RALYL: variants seen among roughly 807,000 people sequenced by gnomAD.
RALYL encodes RALY RNA binding protein like.
RALYL carries 29 observed loss-of-function variants against 35.1 expected under a neutral mutation model. The observed-to-expected ratio is 0.83, with a 90% CI of 0.61 to 1.13. The LOEUF is 1.13. Ranked by LOEUF, RALYL falls within the 50% of genes most tolerant of loss-of-function variation. The pLI is 0.00. For missense variants in RALYL, 359 were observed against 360.4 expected (o/e 1.00, Z 0.03); for synonymous variants, 120 against 127.6 (o/e 0.94, Z 0.40).
chr8:84,335,929 T>C (rs938031158), intron 1 of RALYL, among the ~76,000 whole-genome samples: 10 of 152,068 alleles, frequency 6.6e-5, no homozygotes, highest in Non-Finnish European at 2.9e-5. Context: ...CCAGCTCCTG[T>C]CCTCCTTTAG....
intron 2 of RALYL, among the ~76,000 whole-genome samples, chr8:84,713,578 GACA>G (rs1188026521): frequency 7.2e-5 from 11 of 151,848 alleles, no homozygotes; most frequent in African/African-American, 1.7e-4. Flanking sequence ...TACATAAAGT[GACA>G]ACAAGTGTCA....
intron 2 of RALYL, among the ~76,000 whole-genome samples, chr8:84,774,200 C>T (rs1192314060): frequency 1.3e-5 from 2 of 152,200 alleles, no homozygotes; most frequent in Non-Finnish European, 2.9e-5. Flanking sequence ...GCCTGGGCGA[C>T]AGAGCAAAAC....
At chr8:84,423,689 G>T (rs1369104076) in intron 1 of RALYL, among the ~76,000 whole-genome samples, 1 of 151,192 alleles carries the variant, frequency 6.6e-6, no homozygotes, top group Non-Finnish European at 1.5e-5. Context: ...GGCTGGTACC[G>T]GTTGTTCCTT....
chr8:84,580,670 A>C (rs1810615623), intron 2 of RALYL, among the ~76,000 whole-genome samples: 1 of 152,232 alleles, frequency 6.6e-6, no homozygotes, highest in Admixed American at 6.5e-5. Context: ...TTTCAGTAAT[A>C]TTCTCCTTTC....
At chr8:84,468,364 G>C (rs1342124214) in intron 1 of RALYL, among the ~76,000 whole-genome samples, 18 of 151,660 alleles carry the variant, frequency 1.2e-4, no homozygotes, top group Admixed American at 1.2e-3. Context: ...CTCAGCATTT[G>C]CTTGTCTGTA....
At chr8:84,790,146 T>G (rs1820437611) in intron 3 of RALYL, among the ~76,000 whole-genome samples, 1 of 151,992 alleles carries the variant, frequency 6.6e-6, no homozygotes, top group Non-Finnish European at 1.5e-5. Flanking sequence ...TACAATAAAG[T>G]CCAGAACAAA....
intron 1 of RALYL, among the ~76,000 whole-genome samples, chr8:84,422,156 C>T (rs1393675803): frequency 2.9e-5 from 4 of 139,526 alleles, no homozygotes; most frequent in East Asian, 2.1e-4. Flanking sequence ...TGGTAGAATT[C>T]GGCTGTGAAT....
At chr8:84,411,692 T>C (rs1414935266) in intron 1 of RALYL, among the ~76,000 whole-genome samples, 1 of 152,010 alleles carries the variant, frequency 6.6e-6, no homozygotes, top group Non-Finnish European at 1.5e-5. Context: ...TAGTGAATAG[T>C]GGGCAAAGTT....
At chr8:84,632,520 G>A (rs543045478) in intron 2 of RALYL, among the ~76,000 whole-genome samples, 1 of 151,798 alleles carries the variant, frequency 6.6e-6, no homozygotes, top group East Asian at 1.9e-4. Flanking sequence ...AACCTGCTTT[G>A]TCATATCCTA....
chr8:84,921,486 G>T lies in RALYL; in HGVS notation c.*575G>T, dbSNP rs1849308868. On this transcript the variant is annotated 3_prime_UTR_variant, in exon 9 of 9. Transcript: ENST00000521268. ...TAAAGAATGCAGATATTTCAGATGT[G>T]ATATAATAGTTAAAGAACTGTTGGT... The T allele has an allele frequency of 6.6e-6, 1 of 152,106 alleles. No individual in the cohort carries two copies. Among genetic ancestry groups the T allele is most frequent in the Admixed American group, 6.6e-5 (1 of 15,258 alleles). The allele number at this position is 152,106 out of a possible 1,614,324, so 9.4% of individuals were successfully genotyped here. A position where few individuals can be genotyped will look rare whatever the true frequency, so the allele number is the denominator to read the frequency against.
intron 5 of RALYL, among the ~76,000 whole-genome samples, chr8:84,853,807 A>G (rs1430777025): frequency 1.3e-5 from 2 of 152,088 alleles, no homozygotes; most frequent in African/African-American, 4.8e-5. Context: ...GTCATTTCTC[A>G]TAAGTTACGG....
intron 4 of RALYL, among the ~76,000 whole-genome samples, chr8:84,813,002 C>G (rs574914190): frequency 6.6e-5 from 10 of 152,144 alleles, no homozygotes; most frequent in Non-Finnish European, 1.3e-4. Context: ...ATTTTTCCCC[C>G]GCTCCTCTGG....
intron 4 of RALYL, among the ~76,000 whole-genome samples, chr8:84,813,152 GTCGGAAAC>G (rs1317371659): frequency 6.6e-6 from 1 of 152,134 alleles, no homozygotes; most frequent in African/African-American, 2.4e-5. Flanking sequence ...TCCAGATAAG[GTCGGAAAC>G]TTTTCTGCCA....
intron 1 of RALYL, among the ~76,000 whole-genome samples, chr8:84,273,374 A>G (rs539486414): frequency 1.3e-4 from 20 of 152,246 alleles, no homozygotes; most frequent in Non-Finnish European, 2.5e-4. Flanking sequence ...GAAGCTCACT[A>G]CATGGCAGCT....
At chr8:84,287,555 G>A (rs2132168941) in intron 1 of RALYL, among the ~76,000 whole-genome samples, 1 of 152,206 alleles carries the variant, frequency 6.6e-6, no homozygotes, top group East Asian at 1.9e-4. Flanking sequence ...ATCGAAAGAG[G>A]AGAGTGTAGG....
intron 2 of RALYL, among the ~76,000 whole-genome samples, chr8:84,665,596 A>T (rs1486283779): frequency 6.6e-6 from 1 of 152,002 alleles, no homozygotes; most frequent in Non-Finnish European, 1.5e-5. Context: ...ATGTGCATAG[A>T]GGTGTTTATA....
chr8:84,586,620 A>G (rs1812072120), intron 2 of RALYL, among the ~76,000 whole-genome samples: 1 of 152,216 alleles, frequency 6.6e-6, no homozygotes, highest in Non-Finnish European at 1.5e-5. Flanking sequence ...CTAATATTCA[A>G]ATGCTTAGTC....
intron 1 of RALYL, among the ~76,000 whole-genome samples, chr8:84,390,126 T>G (rs918205928): frequency 3.3e-5 from 5 of 152,282 alleles, no homozygotes; most frequent in African/African-American, 1.2e-4. Context: ...TTGGTTCTGT[T>G]TATATGCTGG....
chr8:84,763,208 A>G (rs1022045399), intron 2 of RALYL, among the ~76,000 whole-genome samples: 6 of 152,162 alleles, frequency 3.9e-5, no homozygotes, highest in Non-Finnish European at 7.4e-5. Flanking sequence ...CGCGTATGAA[A>G]AGAGAGAAAT....
Sources: allele counts gnomAD v4.1 joint callset (sites outside exome capture counted in the v4.1 genomes callset), GRCh38; gene constraint gnomAD v4.1.1; transcripts MANE v1.5; gene names NCBI Gene and HGNC (gene_info 2026-07-23, HGNC 2026-07-21).